Variants in FAM114A1 observed in about 807,000 individuals in gnomAD.
FAM114A1 encodes protein NOXP20.
A neutral mutation model predicts 64.3 loss-of-function variants in FAM114A1; 62 were observed. The ratio of observed to expected loss-of-function variants is 0.96; its 90% confidence interval spans 0.79 to 1.19. The LOEUF (loss-of-function observed/expected upper bound fraction) is 1.19. Among genes scored for constraint, FAM114A1 ranks in the 50% most tolerant of loss-of-function variants. FAM114A1 has a pLI of 0.00. For missense variants in FAM114A1, 645 were observed against 676.3 expected (o/e 0.95, Z 0.51); for synonymous variants, 254 against 251.1 (o/e 1.01, Z -0.11).
intron 4 of FAM114A1, among the ~76,000 whole-genome samples, chr4:38,904,974 A>G (rs1238973946): frequency 6.6e-6 from 1 of 152,186 alleles, no homozygotes; most frequent in Non-Finnish European, 1.5e-5. Context: ...CAATAACTCA[A>G]TGAGGAAACT....
chr4:38,901,107 A>G (rs1464201078), intron 4 of FAM114A1, among the ~76,000 whole-genome samples: 3 of 152,204 alleles, frequency 2.0e-5, no homozygotes, highest in Admixed American at 2.0e-4. Context: ...AAAATAAAAC[A>G]AGCTAAAAGG....
At chr4:38,927,236 T>G (rs1720204466) in intron 9 of FAM114A1, among the ~76,000 whole-genome samples, 1 of 152,240 alleles carries the variant, frequency 6.6e-6, no homozygotes, top group Non-Finnish European at 1.5e-5. Flanking sequence ...CCCTTCAGGC[T>G]GCTATATCAA....
At chr4:38,876,683 C>T (rs933294716) in intron 2 of FAM114A1, among the ~76,000 whole-genome samples, 8 of 152,230 alleles carry the variant, frequency 5.3e-5, no homozygotes, top group Admixed American at 3.9e-4. Flanking sequence ...CTTTTGCCAA[C>T]ACAGACTTAT....
At chr4:38,912,833 T>C (rs1285505021) in intron 7 of FAM114A1, among the ~76,000 whole-genome samples, 1 of 152,246 alleles carries the variant, frequency 6.6e-6, no homozygotes, top group Non-Finnish European at 1.5e-5. Flanking sequence ...CACTTTGTTA[T>C]TTTATTTTAC....
At chr4:38,870,745 C>T (rs537375483) in intron 2 of FAM114A1, among the ~76,000 whole-genome samples, 24 of 152,234 alleles carry the variant, frequency 1.6e-4, no homozygotes, top group African/African-American at 5.3e-4. Context: ...AACACCCAGA[C>T]GGAGATGGAA....
rs1376784532 is a variant in FAM114A1, at chr4:38,929,318, T to C, written c.1146T>C (p.Pro382=). 6.2e-7 allele frequency: 1 copy of C among 1,613,144 alleles called. No individual in the cohort carries two copies. Among genetic ancestry groups the C allele is most frequent in the Admixed American group, 1.7e-5 (1 of 60,006 alleles). The change falls in exon 10 of 15, where the codon CCT becomes CCC. Residue 382 remains proline (P), a synonymous_variant. Transcript: ENST00000358869. The stretch of plus-strand genomic sequence containing the variant: ...TTGAATTACATGTGGCGGCCACACC[T>C]GACAAACTCAATAAGGTCAGCACTG... ...LLFELHVAAT[P]DKLNKAMKRA...
At chr4:38,926,531 T>C (rs569554881) in intron 9 of FAM114A1, among the ~76,000 whole-genome samples, 1 of 151,578 alleles carries the variant, frequency 6.6e-6, no homozygotes, top group South Asian at 2.1e-4. Context: ...CTCAGCTCAC[T>C]TCAACCTCCG....
In FAM114A1 at chr4:38,908,601, G is replaced by A. The variant is rs760512583; in HGVS notation, c.667G>A (p.Val223Ile). 2.5e-6 allele frequency: 4 copies of A among 1,611,770 alleles called. No homozygotes were observed. The highest frequency in any genetic ancestry group is 2.2e-5 in the South Asian group (2 of 90,848). The change falls in exon 7 of 15, where the codon GTC becomes ATC. Residue 223 changes from valine (V) to isoleucine (I), a missense_variant. Coordinates refer to ENST00000358869, the MANE Select transcript of FAM114A1 (RefSeq NM_138389.4). Reference protein sequence around the residue: ...TNVVQNTGKSVLTGGLDALEF... With the variant: ...TNVVQNTGKSILTGGLDALEF... ...GTTATCTCATCTGCAGGGTAAAAGT[G>A]TCTTAACTGGAGGCCTTGATGCGTT...
At chr4:38,932,208 T>TTTCTTGC (rs1720701348) in intron 11 of FAM114A1, 27 bp from the exon 12 acceptor site, 1 of 1,571,470 alleles carries the variant, frequency 6.4e-7, no homozygotes, top group African/African-American at 1.4e-5. Flanking sequence ...CAGTAAAAAA[T>TTTCTTGC]TTCTTGCTTG....
At position 38,914,761 on chromosome 4, in the gene FAM114A1, A is replaced by G. The variant is rs190463232; in HGVS notation, c.793-160A>G. The G allele has an allele frequency of 3.4e-5, 26 of 756,198 alleles. No individual in the cohort carries two copies. In the South Asian group the frequency reaches 6.0e-4, roughly 17 times the overall value. The allele number at this position is 756,198 out of a possible 1,614,324, so 46.8% of individuals were successfully genotyped here. A position where few individuals can be genotyped will look rare whatever the true frequency, so the allele number is the denominator to read the frequency against. On this transcript the variant is annotated intron_variant, in intron 7 of 14. Coordinates refer to ENST00000358869, the MANE Select transcript of FAM114A1 (RefSeq NM_138389.4). ...GTAGGATATGATGTAAAAGTTATCAATAGGATCAATCAAAAAAATCATTTT... is the reference window on the plus strand; with the variant it reads ...GTAGGATATGATGTAAAAGTTATCAGTAGGATCAATCAAAAAAATCATTTT...
At chr4:38,934,834 A>G (rs1720948578) in intron 12 of FAM114A1, among the ~76,000 whole-genome samples, 1 of 152,238 alleles carries the variant, frequency 6.6e-6, no homozygotes, top group South Asian at 2.1e-4. Context: ...TCATATAATA[A>G]AAACATAATC....
chr4:38,931,003 A>G (rs954904714), intron 10 of FAM114A1, among the ~76,000 whole-genome samples: 4 of 152,204 alleles, frequency 2.6e-5, no homozygotes, highest in African/African-American at 9.6e-5. Context: ...AGGTTCATGA[A>G]ACATGAAGAG....
At chr4:38,893,554 T>C (rs976736681) in intron 4 of FAM114A1, among the ~76,000 whole-genome samples, 1 of 152,214 alleles carries the variant, frequency 6.6e-6, no homozygotes, top group Non-Finnish European at 1.5e-5. Flanking sequence ...CTATAGGTGC[T>C]CTCTGTGCAC....
Position 38,911,900 on chromosome 4 carries a change from C to T in FAM114A1, c.793-3021C>T, listed in dbSNP as rs1450401817. 7.1e-5 allele frequency among the ~76,000 whole-genome samples: 9 copies of T among 126,376 alleles called. No homozygotes were observed. In the East Asian group the frequency reaches 1.9e-3, roughly 26 times the overall value. 82.9% of individuals were successfully genotyped at this position (126,376 alleles called of 152,430 possible). A position where few individuals can be genotyped will look rare whatever the true frequency, so the allele number is the denominator to read the frequency against. On this transcript the variant is annotated intron_variant, in intron 7 of 14. Transcript: ENST00000358869. ...TTTTGAGACAGAGCCCTCACTCTGTCGCCCAGGATGGAGTGCAGTGGCGCG... is the reference window on the plus strand; with the variant it reads ...TTTTGAGACAGAGCCCTCACTCTGTTGCCCAGGATGGAGTGCAGTGGCGCG...
chr4:38,886,035 A>AG (rs1366915190), intron 3 of FAM114A1, among the ~76,000 whole-genome samples: 1 of 152,182 alleles, frequency 6.6e-6, no homozygotes, highest in Non-Finnish European at 1.5e-5. Flanking sequence ...TAAGTAATAA[A>AG]AAGACTAAAA....
At chr4:38,923,085 G>T (rs923350240) in intron 9 of FAM114A1, among the ~76,000 whole-genome samples, 192 bp downstream of exon 9, 6 of 152,130 alleles carry the variant, frequency 3.9e-5, no homozygotes, top group South Asian at 2.1e-4. Flanking sequence ...CACTGGTCGG[G>T]AACTCCTATT....
chr4:38,929,097 A>C (rs535345343), intron 9 of FAM114A1, 145 bp from the exon 10 acceptor site: 18 of 650,574 alleles, frequency 2.8e-5, no homozygotes, highest in African/African-American at 1.8e-4. Context: ...AATGGAAGAC[A>C]TTCATCTTTG....
chr4:38,909,923 C>G (rs1718372132), intron 7 of FAM114A1, among the ~76,000 whole-genome samples: 1 of 152,152 alleles, frequency 6.6e-6, no homozygotes, highest in African/African-American at 2.4e-5. Flanking sequence ...GACCATCACC[C>G]TGCTGCTCCT....
intron 12 of FAM114A1, among the ~76,000 whole-genome samples, chr4:38,933,371 G>A (rs773386123): frequency 2.0e-5 from 3 of 152,162 alleles, no homozygotes; most frequent in Non-Finnish European, 4.4e-5. Flanking sequence ...ACACTTTAAT[G>A]TAACTTCTAG....
Sources: gnomAD v4.1 joint callset for allele counts (sites outside exome capture counted in the v4.1 genomes callset) on GRCh38, gnomAD v4.1.1 for gene constraint, MANE v1.5 for transcripts, NCBI Gene and HGNC (gene_info 2026-07-23, HGNC 2026-07-21) for gene names.